The following BRD10 variants were observed in gnomAD, a reference collection of about 807,000 sequenced individuals.
BRD10 encodes the protein bromodomain containing 10.
At chr9:5,879,346 G>A in the BRD10 span, among the ~76,000 whole-genome samples, 26 of 151,716 alleles carry the variant, frequency 1.7e-4, no homozygotes, top group East Asian at 5.0e-3. Flanking sequence ...TCCAGCCTGG[G>A]AAGGGCAACA....
At chr9:5,882,980 A>T in the BRD10 span, among the ~76,000 whole-genome samples, 2 of 152,264 alleles carry the variant, frequency 1.3e-5, no homozygotes, top group East Asian at 3.9e-4. Flanking sequence ...GGACACAGGA[A>T]GGGGAACATC....
At chr9:5,949,322 G>A in the BRD10 span, among the ~76,000 whole-genome samples, 1 of 152,070 alleles carries the variant, frequency 6.6e-6, no homozygotes, top group South Asian at 2.1e-4. Context: ...TTGTGCCACT[G>A]CACTCCAGTC....
chr9:5,883,754 G>A, the BRD10 span, among the ~76,000 whole-genome samples: 1 of 152,094 alleles, frequency 6.6e-6, no homozygotes, highest in Non-Finnish European at 1.5e-5. Context: ...TTACAGGCAT[G>A]AGCCACTGCA....
the BRD10 span, among the ~76,000 whole-genome samples, chr9:5,917,834 C>G: frequency 6.6e-6 from 1 of 152,182 alleles, no homozygotes; most frequent in Non-Finnish European, 1.5e-5. Context: ...GCCTGGACAA[C>G]AGAGAAGACC....
At chr9:6,007,666 G>C in the BRD10 span, 6 of 1,605,986 alleles carry the variant, frequency 3.7e-6, no homozygotes, top group Non-Finnish European at 4.2e-6. Context: ...TCCGTGGGCC[G>C]GCCCTGAGGT....
the BRD10 span, chr9:5,920,186 T>C: frequency 4.3e-6 from 7 of 1,614,018 alleles, no homozygotes; most frequent in East Asian, 2.2e-5. Context: ...GGCAGAGTTA[T>C]CTATTGGTGT....
At chr9:5,975,938 G>T in the BRD10 span, among the ~76,000 whole-genome samples, 8 of 152,126 alleles carry the variant, frequency 5.3e-5, no homozygotes, top group Non-Finnish European at 8.8e-5. Flanking sequence ...AAATTAAGAA[G>T]AGGAACAGAG....
chr9:5,943,099 G>C, the BRD10 span, among the ~76,000 whole-genome samples: 7 of 151,956 alleles, frequency 4.6e-5, no homozygotes, highest in Non-Finnish European at 1.0e-4. Context: ...TTGGTCTCGA[G>C]CTCCTGGGCT....
the BRD10 span, among the ~76,000 whole-genome samples, chr9:5,936,277 G>T: frequency 2.0e-5 from 3 of 152,052 alleles, no homozygotes; most frequent in African/African-American, 7.2e-5. Context: ...GACTGCTTGA[G>T]CCTGGAGGTG....
the BRD10 span, among the ~76,000 whole-genome samples, chr9:5,955,879 T>C: frequency 6.6e-6 from 1 of 152,160 alleles, no homozygotes; most frequent in Non-Finnish European, 1.5e-5. Flanking sequence ...ATTCTTGATA[T>C]CTCTATAATA....
the BRD10 span, among the ~76,000 whole-genome samples, chr9:5,983,696 AAAG>A: frequency 2.0e-5 from 3 of 152,168 alleles, no homozygotes; most frequent in Admixed American, 2.0e-4. Flanking sequence ...TCTATGGATC[AAAG>A]AAGCGAAATG....
the BRD10 span, among the ~76,000 whole-genome samples, chr9:5,966,455 C>CTT: frequency 0.44 from 36,335 of 83,240 alleles, 9,580 homozygotes; most frequent in South Asian, 0.5. Flanking sequence ...CTAACATTTC[C>CTT]TTTTTTTTTT....
the BRD10 span, among the ~76,000 whole-genome samples, chr9:5,939,060 G>C: frequency 6.6e-6 from 1 of 152,040 alleles, no homozygotes; most frequent in Non-Finnish European, 1.5e-5. Flanking sequence ...ATGAAATGGA[G>C]AGAAGAGGGA....
the BRD10 span, chr9:5,922,229 G>A: frequency 9.9e-6 from 16 of 1,613,960 alleles, no homozygotes; most frequent in African/African-American, 1.3e-5. Flanking sequence ...AGTCTGTTGT[G>A]CAAAACAGTT....
At chr9:5,967,931 C>G in the BRD10 span, 2 of 796,524 alleles carry the variant, frequency 2.5e-6, no homozygotes, top group East Asian at 2.7e-5. Flanking sequence ...GCATTTTACT[C>G]TCTCAATCAA....
At chr9:5,923,288 A>G in the BRD10 span, 3 of 1,607,256 alleles carry the variant, frequency 1.9e-6, no homozygotes, top group East Asian at 2.2e-5. Context: ...AGGAAAATCT[A>G]TTTCTGACAA....
the BRD10 span, among the ~76,000 whole-genome samples, chr9:5,885,906 C>A: frequency 1.2e-4 from 18 of 152,246 alleles, no homozygotes; most frequent in African/African-American, 3.9e-4. Flanking sequence ...GTTTGTTCAG[C>A]TCCTCCTATG....
chr9:5,972,310 A>G, the BRD10 span, among the ~76,000 whole-genome samples: 1 of 152,256 alleles, frequency 6.6e-6, no homozygotes, highest in Non-Finnish European at 1.5e-5. Context: ...GAAGGAGATT[A>G]TAAAAAATGA....
At chr9:5,996,325 G>A in the BRD10 span, among the ~76,000 whole-genome samples, 6 of 150,892 alleles carry the variant, frequency 4.0e-5, no homozygotes, top group Non-Finnish European at 5.9e-5. Context: ...TTTTGTTGTT[G>A]TTGTTGTTTT....
Sources: allele counts gnomAD v4.1 joint callset (sites outside exome capture counted in the v4.1 genomes callset), GRCh38; gene constraint gnomAD v4.1.1; transcripts MANE v1.5; gene names NCBI Gene and HGNC (gene_info 2026-07-23, HGNC 2026-07-21).